PXDNL: variants seen among roughly 807,000 people sequenced by gnomAD.
PXDNL encodes peroxidasin like.
In PXDNL, 145 loss-of-function variants were observed where a neutral mutation model predicts 150.8. That is an observed-to-expected ratio of 0.96 (90% CI 0.84 to 1.10). The LOEUF (loss-of-function observed/expected upper bound fraction) is 1.10. Ranked by LOEUF, PXDNL falls within the 50% of genes least tolerant of loss-of-function variation. The pLI is 0.00. For synonymous variants in PXDNL, 757 were observed against 725.7 expected, an observed-to-expected ratio of 1.04 and a Z score of -0.69; for missense variants, 2,087 against 1,873.9, an observed-to-expected ratio of 1.11 and a Z score of -2.10.
intron 2 of PXDNL, among the ~76,000 whole-genome samples, chr8:51,608,399 A>G (rs1188238337): frequency 6.9e-6 from 1 of 144,800 alleles, no homozygotes; most frequent in Non-Finnish European, 1.5e-5. Context: ...AAAAAAAAAA[A>G]AAAAGAAAGA....
chr8:51,595,137 GA>G lies in PXDNL; in HGVS notation c.237-2440del, dbSNP rs1813536621. ...TGAAAACAGGATATCTGAATATACT[GA>G]TGATCAAACTTTTGGGGTAAAAGAG... On this transcript the variant is annotated intron_variant, in intron 2 of 22. Transcript: ENST00000356297. 2.0e-5 allele frequency among the ~76,000 whole-genome samples: 3 copies of G among 152,284 alleles called. No individual in the cohort carries two copies. In the South Asian group the frequency reaches 6.2e-4, roughly 32 times the overall value.
At chr8:51,542,291 G>T (rs1172717690) in intron 4 of PXDNL, among the ~76,000 whole-genome samples, 1 of 152,080 alleles carries the variant, frequency 6.6e-6, no homozygotes, top group Non-Finnish European at 1.5e-5. Flanking sequence ...ATGGGCCAAA[G>T]CAATCCTACT....
intron 21 of PXDNL, among the ~76,000 whole-genome samples, chr8:51,326,639 A>G (rs1247620916): frequency 6.6e-6 from 1 of 152,188 alleles, no homozygotes; most frequent in Non-Finnish European, 1.5e-5. Context: ...TAGATTTCCT[A>G]AGGATATATA....
intron 1 of PXDNL, among the ~76,000 whole-genome samples, chr8:51,703,648 T>C (rs1816303403): frequency 6.6e-6 from 1 of 152,198 alleles, no homozygotes; most frequent in Admixed American, 6.5e-5. Context: ...TGAGCCACCC[T>C]ATCAGAAACT....
At chr8:51,404,944 T>G (rs1257798271) in intron 17 of PXDNL, among the ~76,000 whole-genome samples, 2 of 152,114 alleles carry the variant, frequency 1.3e-5, no homozygotes, top group Non-Finnish European at 2.9e-5. Context: ...TCGGGCATGG[T>G]GGGCTGCAGG....
intron 19 of PXDNL, among the ~76,000 whole-genome samples, chr8:51,369,917 T>TC (rs1266569646): frequency 6.6e-6 from 1 of 152,080 alleles, no homozygotes; most frequent in Non-Finnish European, 1.5e-5. Context: ...GGAGCCCTCC[T>TC]CCGAGTCTTC....
chr8:51,750,305 C>A (rs2037031155), intron 1 of PXDNL, among the ~76,000 whole-genome samples: 1 of 152,112 alleles, frequency 6.6e-6, no homozygotes, highest in African/African-American at 2.4e-5. Flanking sequence ...CACATCATAT[C>A]CCACTGGAAG....
In PXDNL at chr8:51,501,576, ACACT is replaced by A. The variant is rs375829598; in HGVS notation, c.381-1810_381-1807del. 2.6e-5 allele frequency among the ~76,000 whole-genome samples: 4 copies of A among 152,170 alleles called. 1 individual carries two copies. The highest frequency in any genetic ancestry group is 1.3e-4 in the Admixed American group (2 of 15,276). On this transcript the variant is annotated intron_variant, in intron 4 of 22. Transcript: ENST00000356297. The stretch of plus-strand genomic sequence containing the variant: ...GCATCACACTCAGATACACATCTAC[ACACT>A]CACACACACTCACCTAATCTCACAC...
chr8:51,364,802 C>T (rs1586037491), intron 19 of PXDNL, among the ~76,000 whole-genome samples: 1 of 152,136 alleles, frequency 6.6e-6, no homozygotes, highest in Non-Finnish European at 1.5e-5. Flanking sequence ...TTCACTCTTC[C>T]AAATGGGCAT....
Position 51,644,363 on chromosome 8 carries a change from CAT to C in PXDNL, c.236+10324_236+10325del, listed in dbSNP as rs1491159958. On this transcript the variant is annotated intron_variant, in intron 2 of 22. Coordinates refer to ENST00000356297, the MANE Select transcript of PXDNL (RefSeq NM_144651.5). ...ACACACACACACACACACACACACA[CAT>C]ATGTATATATATACACACACATATG... 2.1e-3 allele frequency among the ~76,000 whole-genome samples: 126 copies of C among 60,072 alleles called. 5 individuals carry two copies. The highest frequency in any genetic ancestry group is 4.7e-3 in the African/African-American group (108 of 23,164). 39.4% of individuals were successfully genotyped at this position (60,072 alleles called of 152,430 possible). A position where few individuals can be genotyped will look rare whatever the true frequency, so the allele number is the denominator to read the frequency against.
intron 2 of PXDNL, among the ~76,000 whole-genome samples, chr8:51,647,977 A>G (rs569790132): frequency 4.6e-5 from 7 of 152,318 alleles, no homozygotes; most frequent in African/African-American, 1.7e-4. Context: ...CTTAGATGGT[A>G]TGACATCTTG....
At chr8:51,551,105 C>T (rs148115249) in intron 4 of PXDNL, among the ~76,000 whole-genome samples, 19 of 146,814 alleles carry the variant, frequency 1.3e-4, no homozygotes, top group Non-Finnish European at 1.7e-4. Flanking sequence ...AAAAACCTTA[C>T]GAATATACCT....
intron 18 of PXDNL, among the ~76,000 whole-genome samples, chr8:51,373,889 C>G (rs1807213176): frequency 6.6e-6 from 1 of 152,170 alleles, no homozygotes; most frequent in Admixed American, 6.5e-5. Context: ...TCAGGAGAGG[C>G]TGCTTAGGTT....
chr8:51,656,004 C>G (rs1221145663), intron 1 of PXDNL, among the ~76,000 whole-genome samples: 1 of 152,172 alleles, frequency 6.6e-6, no homozygotes, highest in Non-Finnish European at 1.5e-5. Context: ...GAATTTCTCT[C>G]TCTAACGCAA....
intron 3 of PXDNL, among the ~76,000 whole-genome samples, chr8:51,573,719 CAG>C (rs978046131): frequency 2.0e-5 from 3 of 151,886 alleles, no homozygotes; most frequent in Non-Finnish European, 2.9e-5. Flanking sequence ...TCAGCTAAAA[CAG>C]AAAATTCAAA....
At chr8:51,744,086 G>A (rs1563307205) in intron 1 of PXDNL, among the ~76,000 whole-genome samples, 6 of 104,454 alleles carry the variant, frequency 5.7e-5, no homozygotes, top group East Asian at 2.9e-4. Context: ...AGGAAGGAAG[G>A]AAGGAAGGAA....
At chr8:51,604,364 C>T (rs1207278838) in intron 2 of PXDNL, among the ~76,000 whole-genome samples, 5 of 152,208 alleles carry the variant, frequency 3.3e-5, no homozygotes, top group Middle Eastern at 3.4e-3. Flanking sequence ...ATGGATGAAA[C>T]TGGAAACCAT....
At chr8:51,546,676 A>AT (rs1238990152) in intron 4 of PXDNL, among the ~76,000 whole-genome samples, 1 of 152,214 alleles carries the variant, frequency 6.6e-6, no homozygotes, top group Non-Finnish European at 1.5e-5. Context: ...GCTCCAGCGG[A>AT]TGGTGCAGGC....
At chr8:51,571,989 T>C (rs1659466335) in intron 3 of PXDNL, among the ~76,000 whole-genome samples, 1 of 151,860 alleles carries the variant, frequency 6.6e-6, no homozygotes, top group African/African-American at 2.4e-5. Flanking sequence ...GCAATAGCCA[T>C]ATGCAGTCAG....
Sources: allele counts gnomAD v4.1 joint callset (sites outside exome capture counted in the v4.1 genomes callset), GRCh38; gene constraint gnomAD v4.1.1; transcripts MANE v1.5; gene names NCBI Gene and HGNC (gene_info 2026-07-23, HGNC 2026-07-21).